PRPSAP2: variants seen among roughly 807,000 people sequenced by gnomAD.
The protein encoded by PRPSAP2 is phosphoribosyl pyrophosphate synthetase associated protein 2.
A neutral mutation model predicts 40.6 loss-of-function variants in PRPSAP2; 24 were observed. The observed-to-expected ratio is 0.59, with a 90% CI of 0.43 to 0.83. The LOEUF is 0.83. Among genes scored for constraint, PRPSAP2 ranks in the 40% least tolerant of loss-of-function variants. The probability of loss-of-function intolerance (pLI) is 0.00; values close to 1 mark genes in which losing one functional copy is unlikely to be tolerated. For synonymous variants in PRPSAP2, 149 were observed against 164.7 expected (o/e 0.90, Z 0.73); for missense variants, 292 against 465.6 (o/e 0.63, Z 3.43).
intron 9 of PRPSAP2, among the ~76,000 whole-genome samples, chr17:18,922,813 A>G (rs1467788091): frequency 1.3e-5 from 2 of 149,910 alleles, no homozygotes; most frequent in African/African-American, 2.4e-5. Flanking sequence ...AGCTGTGACT[A>G]CTGTCATGCA....
chr17:18,866,006 T>A, intron 3 of PRPSAP2, 54 bp downstream of exon 3: 1 of 1,245,456 alleles, frequency 8.0e-7, no homozygotes, highest in Non-Finnish European at 1.0e-6. Flanking sequence ...TGCTTTAAAT[T>A]TGATAATCAG....
At chr17:18,862,843 C>G (rs1035529272) in intron 1 of PRPSAP2, among the ~76,000 whole-genome samples, 2 of 149,894 alleles carry the variant, frequency 1.3e-5, no homozygotes, top group African/African-American at 5.0e-5. Context: ...TTTTCTGAGA[C>G]AGAGTCTCGC....
chr17:18,862,791 TTTTATTTATTTA>T (rs199576423), intron 1 of PRPSAP2, among the ~76,000 whole-genome samples: 24 of 149,326 alleles, frequency 1.6e-4, no homozygotes, highest in Middle Eastern at 3.4e-3. Context: ...TGTAACACCC[TTTTATTTATTTA>T]TTTATTTATT....
At chr17:18,863,521 T>TTCTTC in intron 1 of PRPSAP2, among the ~76,000 whole-genome samples, 1 of 110,676 alleles carries the variant, frequency 9.0e-6, no homozygotes, top group Non-Finnish European at 2.0e-5. Context: ...CCTTTCTTTC[T>TTCTTC]TCTTCTCTTT....
intron 6 of PRPSAP2, among the ~76,000 whole-genome samples, chr17:18,881,035 T>C (rs113556213): frequency 0.012 from 1,760 of 151,792 alleles, 34 homozygotes; most frequent in African/African-American, 0.041. Flanking sequence ...GGTTTCACCG[T>C]GTTGGCCAGG....
rs562314512 is a variant in PRPSAP2 at position 18,911,035 on chromosome 17, G to T, written c.585-68G>T. ...TCTACTTATGTTCTCTTAATGTTTTGTCCCCTAGGCATTAGCAGAACCAAG... is the reference window on the plus strand; with the variant it reads ...TCTACTTATGTTCTCTTAATGTTTTTTCCCCTAGGCATTAGCAGAACCAAG... On this transcript the variant is annotated intron_variant, in intron 8 of 11. Transcript: ENST00000268835. This position sits in a 1 kb window ranked among gnomAD's most constrained non-coding sequence, Gnocchi z 4.5. 37 of 1,472,750 alleles carry T rather than the reference G, an allele frequency of 2.5e-5. No individual in the cohort carries two copies. The African/African-American group carries it at 4.9e-4, about 20-fold the overall frequency. 91.2% of individuals were successfully genotyped at this position (1,472,750 alleles called of 1,614,324 possible).
intron 6 of PRPSAP2, among the ~76,000 whole-genome samples, chr17:18,878,242 T>C (rs1237267531): frequency 6.6e-6 from 1 of 152,112 alleles, no homozygotes; most frequent in Non-Finnish European, 1.5e-5. Flanking sequence ...CTTAGAAATA[T>C]CAAAGTAATG....
At chr17:18,903,074 C>T (rs1391334319) in intron 8 of PRPSAP2, among the ~76,000 whole-genome samples, 1 of 151,946 alleles carries the variant, frequency 6.6e-6, no homozygotes, top group Admixed American at 6.6e-5. Flanking sequence ...AACGAAAGAC[C>T]CAGTCTCTTT....
At chr17:18,862,547 C>T (rs1282061452) in intron 1 of PRPSAP2, among the ~76,000 whole-genome samples, 4 of 152,118 alleles carry the variant, frequency 2.6e-5, no homozygotes, top group Non-Finnish European at 5.9e-5. Flanking sequence ...GTCCGATATG[C>T]AGGGCACTGT....
At chr17:18,886,213 C>CT (rs2039131245) in intron 7 of PRPSAP2, among the ~76,000 whole-genome samples, 1 of 152,144 alleles carries the variant, frequency 6.6e-6, no homozygotes, top group Admixed American at 6.6e-5. Context: ...CTTCTTGTCA[C>CT]TTAGTGATCC....
chr17:18,877,710 C>T lies in PRPSAP2; in HGVS notation c.252C>T (p.Thr84=). The T allele has an allele frequency of 1.2e-6, 2 of 1,607,646 alleles. No homozygotes were observed. The highest frequency in any genetic ancestry group is 1.7e-6 in the Non-Finnish European group (2 of 1,178,002). ...GTCTTTGTTACAGGGACGTGAACAC[C>T]ACCATCATGGAGCTCCTGATCATGG... is the stretch of plus-strand genomic sequence containing the variant. ...IIQTVSKDVN[T]TIMELLIMVY... The change falls in exon 6 of 12, where the codon ACC becomes ACT. Residue 84 remains threonine, a synonymous_variant. Transcript: ENST00000268835.
chr17:18,926,113 A>G (rs572784483), intron 10 of PRPSAP2, among the ~76,000 whole-genome samples: 1 of 151,960 alleles, frequency 6.6e-6, no homozygotes, highest in South Asian at 2.1e-4. Context: ...AAAAATAAGA[A>G]AATCTCTCAC....
chr17:18,917,659 C>T (rs915160812), intron 9 of PRPSAP2: 2 of 123,440 alleles, frequency 1.6e-5, no homozygotes, highest in Non-Finnish European at 3.2e-5. Flanking sequence ...AGGCTGGCCT[C>T]GAACTGACTG....
At chr17:18,910,734 T>C (rs1161115169) in intron 8 of PRPSAP2, among the ~76,000 whole-genome samples, 5 of 152,202 alleles carry the variant, frequency 3.3e-5, no homozygotes, top group Non-Finnish European at 7.3e-5. Flanking sequence ...TTGGTGAGCA[T>C]TTTATGCCCT....
intron 7 of PRPSAP2, among the ~76,000 whole-genome samples, 197 bp downstream of exon 7, chr17:18,882,880 G>A (rs2038863841): frequency 6.6e-6 from 1 of 152,192 alleles, no homozygotes; most frequent in East Asian, 1.9e-4. Context: ...TCTTAAAATT[G>A]CTTTTTCTTT....
chr17:18,916,613 T>C (rs1274424700), intron 9 of PRPSAP2, among the ~76,000 whole-genome samples: 1 of 151,856 alleles, frequency 6.6e-6, no homozygotes, highest in Non-Finnish European at 1.5e-5. Context: ...AACCCCTGAC[T>C]TCAGGTGATC....
At chr17:18,871,525 T>C (rs1045536095) in intron 4 of PRPSAP2, among the ~76,000 whole-genome samples, 14 of 152,222 alleles carry the variant, frequency 9.2e-5, no homozygotes, top group Non-Finnish European at 1.5e-4. Context: ...TCTTTATGAC[T>C]GATCACACAT....
At chr17:18,908,244 C>T (rs565894049) in intron 8 of PRPSAP2, 40 of 743,916 alleles carry the variant, frequency 5.4e-5, no homozygotes, top group Middle Eastern at 3.7e-4. Context: ...AAGCCAGTGA[C>T]GACCCACTCA....
At chr17:18,863,942 C>T (rs574435798) in intron 1 of PRPSAP2, among the ~76,000 whole-genome samples, 2 of 148,900 alleles carry the variant, frequency 1.3e-5, no homozygotes, top group East Asian at 2.0e-4. Flanking sequence ...TGGGTTTAAG[C>T]GATTCTCCTG....
Sources: gnomAD v4.1 joint callset for allele counts (sites outside exome capture counted in the v4.1 genomes callset) on GRCh38, gnomAD v4.1.1 for gene constraint, Gnocchi (gnomAD v3.1) non-coding constraint, MANE v1.5 for transcripts, NCBI Gene and HGNC (gene_info 2026-07-23, HGNC 2026-07-21) for gene names.